Variants in MAP2 observed in about 807,000 individuals in gnomAD.
The protein encoded by MAP2 is microtubule associated protein 2.
Under a neutral mutation model 137.6 loss-of-function variants are expected in MAP2, and 14 were observed. The ratio of observed to expected loss-of-function variants is 0.10; its 90% CI spans 0.07 to 0.16. The LOEUF (loss-of-function observed/expected upper bound fraction) is 0.16. Among genes scored for constraint, MAP2 ranks in the 10% least tolerant of loss-of-function variants. The probability of loss-of-function intolerance (pLI) is 1.00; values close to 1 mark genes in which losing one functional copy is unlikely to be tolerated. For synonymous variants in MAP2, 786 were observed against 782.3 expected (o/e 1.00, Z -0.08); for missense variants, 2,088 against 2,191.5 (o/e 0.95, Z 0.94).
At chr2:209,508,121 A>G (rs1012068770) in intron 2 of MAP2, among the ~76,000 whole-genome samples, 2 of 152,058 alleles carry the variant, frequency 1.3e-5, no homozygotes, top group African/African-American at 4.8e-5. Flanking sequence ...TTAAGATGTC[A>G]TTCCTTTTGT....
chr2:209,624,392 T>C (rs1387020267), intron 3 of MAP2, among the ~76,000 whole-genome samples: 1 of 152,168 alleles, frequency 6.6e-6, no homozygotes, highest in African/African-American at 2.4e-5. Context: ...TGAAGATAGT[T>C]ACACCTGAAT....
At chr2:209,533,364 C>T (rs763531565) in intron 2 of MAP2, among the ~76,000 whole-genome samples, 2 of 152,148 alleles carry the variant, frequency 1.3e-5, no homozygotes, top group Admixed American at 1.3e-4. Context: ...AGGCTGGTCT[C>T]GAATTCCTGA....
intron 3 of MAP2, among the ~76,000 whole-genome samples, chr2:209,615,372 G>A (rs1010187445): frequency 4.6e-5 from 7 of 152,242 alleles, no homozygotes; most frequent in African/African-American, 1.7e-4. Flanking sequence ...AAGGCTTTTA[G>A]ATGTTAAGCA....
At chr2:209,471,977 C>T (rs188949817) in intron 1 of MAP2, among the ~76,000 whole-genome samples, 8 of 152,198 alleles carry the variant, frequency 5.3e-5, no homozygotes, top group Middle Eastern at 3.4e-3. Context: ...GCCAATTTTG[C>T]TATTCTCCCC....
chr2:209,534,829 A>G (rs888815904), intron 2 of MAP2, among the ~76,000 whole-genome samples: 1 of 152,222 alleles, frequency 6.6e-6, no homozygotes, highest in Non-Finnish European at 1.5e-5. Context: ...CTCATGAAAC[A>G]TGAAATTTCA....
At chr2:209,508,279 G>GA (rs35275455) in intron 2 of MAP2, among the ~76,000 whole-genome samples, 48 of 142,198 alleles carry the variant, frequency 3.4e-4, no homozygotes, top group Middle Eastern at 7.1e-3. Flanking sequence ...TATTCAGATT[G>GA]AAAAAAAAAA....
At chr2:209,433,807 T>A (rs1239068686) in intron 1 of MAP2, among the ~76,000 whole-genome samples, 3 of 151,976 alleles carry the variant, frequency 2.0e-5, no homozygotes, top group African/African-American at 7.2e-5. Context: ...GCATAATTAA[T>A]TTTAATCACT....
intron 12 of MAP2, among the ~76,000 whole-genome samples, chr2:209,708,487 G>T (rs1289783037): frequency 6.6e-6 from 1 of 152,128 alleles, no homozygotes; most frequent in Non-Finnish European, 1.5e-5. Flanking sequence ...CTATGGTGAT[G>T]GGTGGATTTA....
chr2:209,507,382 AT>A (rs974706334), intron 1 of MAP2, among the ~76,000 whole-genome samples: 5 of 152,176 alleles, frequency 3.3e-5, no homozygotes, highest in South Asian at 4.2e-4. Flanking sequence ...TTTAATATAT[AT>A]TTTTTTCAAT....
intron 1 of MAP2, among the ~76,000 whole-genome samples, chr2:209,430,898 C>T (rs1197292605): frequency 3.3e-5 from 5 of 152,130 alleles, no homozygotes. Flanking sequence ...TGATCTAGGA[C>T]TTATTTAAAA....
intron 1 of MAP2, among the ~76,000 whole-genome samples, chr2:209,494,637 A>G (rs957822105): frequency 1.3e-5 from 2 of 152,204 alleles, no homozygotes; most frequent in African/African-American, 4.8e-5. Flanking sequence ...AAATAATCAT[A>G]CAAATGGACA....
intron 2 of MAP2, among the ~76,000 whole-genome samples, chr2:209,508,771 G>T (rs1409927058): frequency 6.6e-6 from 1 of 151,954 alleles, no homozygotes; most frequent in Non-Finnish European, 1.5e-5. Context: ...ACAAGTATTG[G>T]TTTCAAGTCT....
At chr2:209,690,196 T>A (rs961482161) in intron 7 of MAP2, among the ~76,000 whole-genome samples, 2 of 152,168 alleles carry the variant, frequency 1.3e-5, no homozygotes, top group Admixed American at 6.5e-5. Context: ...AAAGGCTTTT[T>A]TTTTTCAGTA....
chr2:209,609,743 A>G (rs2086173664), intron 3 of MAP2, among the ~76,000 whole-genome samples: 1 of 152,178 alleles, frequency 6.6e-6, no homozygotes, highest in Non-Finnish European at 1.5e-5. Context: ...TTGCTGAGTC[A>G]TTGATTCTTT....
intron 5 of MAP2, among the ~76,000 whole-genome samples, chr2:209,666,651 C>A (rs1302397065): frequency 1.3e-5 from 2 of 151,920 alleles, no homozygotes; most frequent in Non-Finnish European, 2.9e-5. Context: ...GGTTTCCTTT[C>A]TAGTTGGATT....
intron 1 of MAP2, among the ~76,000 whole-genome samples, chr2:209,442,315 G>T (rs149120788): frequency 2.2e-3 from 330 of 151,530 alleles, no homozygotes; most frequent in African/African-American, 7.7e-3. Flanking sequence ...TAAGTTGAGG[G>T]AGCAAAAGAA....
rs2059883491 is a variant in MAP2 at position 209,695,185 on chromosome 2, A to C, written c.3015A>C (p.Ser1005=). 1 of 1,614,210 alleles carries C rather than the reference A, an allele frequency of 6.2e-7. No homozygotes were observed. Among genetic ancestry groups the C allele is most frequent in the Non-Finnish European group, 8.5e-7 (1 of 1,180,032 alleles). Residue 1005 remains serine (S), a synonymous_variant, in exon 8 of 16, where the codon TCA becomes TCC. Coordinates refer to ENST00000682079, the MANE Select transcript of MAP2 (RefSeq NM_001375505.1). ...TYEQALAKDL[S]IPTDASSEKA... Reference sequence around the variant, plus strand: ...AGCAAGCTTTGGCCAAAGATTTGTCAATACCAACAGATGCATCCTCTGAGA... The same window carrying C: ...AGCAAGCTTTGGCCAAAGATTTGTCCATACCAACAGATGCATCCTCTGAGA...
chr2:209,592,602 A>G (rs2079558855), intron 3 of MAP2, among the ~76,000 whole-genome samples: 2 of 151,712 alleles, frequency 1.3e-5, no homozygotes, highest in African/African-American at 4.8e-5. Flanking sequence ...ATCCAGTGTT[A>G]TTGATACATT....
At chr2:209,508,442 C>T (rs12993627) in intron 2 of MAP2, among the ~76,000 whole-genome samples, 8,768 of 151,848 alleles carry the variant, frequency 0.058, 288 homozygotes, top group South Asian at 0.092. Flanking sequence ...AGGAATTTTC[C>T]CTTTAAAGCC....
Sources: gnomAD v4.1 joint callset for allele counts (sites outside exome capture counted in the v4.1 genomes callset) on GRCh38, gnomAD v4.1.1 for gene constraint, MANE v1.5 for transcripts, NCBI Gene and HGNC (gene_info 2026-07-23, HGNC 2026-07-21) for gene names.